Variants in IGF2BP3 observed in about 807,000 individuals in gnomAD.
The protein encoded by IGF2BP3 is insulin-like growth factor 2 mRNA-binding protein 3.
In IGF2BP3, 9 loss-of-function variants were observed where a neutral mutation model predicts 73.8. The ratio of observed to expected loss-of-function variants is 0.12; its 90% CI spans 0.07 to 0.21. The LOEUF (loss-of-function observed/expected upper bound fraction) is 0.21, where lower values mean the gene tolerates loss of function less well. Among genes scored for constraint, IGF2BP3 ranks in the 10% least tolerant of loss-of-function variants. The pLI, the probability that IGF2BP3 is intolerant of heterozygous loss-of-function variation, is 1.00. For synonymous variants in IGF2BP3, 258 were observed against 256.7 expected, an observed-to-expected ratio of 1.01 and a Z score of -0.05; for missense variants, 542 against 714.0, an observed-to-expected ratio of 0.76 and a Z score of 2.75.
chr7:23,437,643 C>T (rs1418799537), intron 2 of IGF2BP3, among the ~76,000 whole-genome samples: 2 of 152,156 alleles, frequency 1.3e-5, no homozygotes, highest in Non-Finnish European at 2.9e-5. Flanking sequence ...AAAGTTACAT[C>T]TTCTAGCCAG....
chr7:23,370,709 G>C (rs1009319378), intron 3 of IGF2BP3, among the ~76,000 whole-genome samples: 3 of 150,108 alleles, frequency 2.0e-5, no homozygotes, highest in African/African-American at 7.4e-5. Context: ...ACAGAGTCTT[G>C]CTCTGTCACC....
intron 10 of IGF2BP3, among the ~76,000 whole-genome samples, chr7:23,326,312 A>G (rs1784293845): frequency 6.6e-6 from 1 of 152,244 alleles, no homozygotes; most frequent in South Asian, 2.1e-4. Flanking sequence ...ACACACATGA[A>G]AAAATGCTCA....
At chr7:23,344,838 C>T (rs181604758) in intron 8 of IGF2BP3, among the ~76,000 whole-genome samples, 12 of 152,306 alleles carry the variant, frequency 7.9e-5, no homozygotes, top group Admixed American at 3.3e-4. Flanking sequence ...GACTATTTCT[C>T]TTAGACTACT....
chr7:23,407,940 GGGGGGCAGGGGGCGGGGGGC>G (rs1786890366), intron 3 of IGF2BP3, among the ~76,000 whole-genome samples: 1 of 109,928 alleles, frequency 9.1e-6, no homozygotes, highest in Non-Finnish European at 1.8e-5. Context: ...CAACATTTGT[GGGGGGCAGGGGGCGGGGGGC>G]GGGGGGGGGG....
chr7:23,458,084 T>C (rs901465483), intron 2 of IGF2BP3, among the ~76,000 whole-genome samples: 5 of 152,210 alleles, frequency 3.3e-5, no homozygotes, highest in Admixed American at 6.5e-5. Context: ...ACGGCTTCCA[T>C]TGGAATGACT....
chr7:23,423,627 T>C lies in IGF2BP3; in HGVS notation c.237-4803A>G, dbSNP rs116884754. On this transcript the variant is annotated intron_variant, in intron 2 of 14. Coordinates refer to ENST00000258729, the MANE Select transcript of IGF2BP3 (RefSeq NM_006547.3). ...ACAGTGCTTGGCATCTGATAAGCATTCAATTGATAGTTAAAATGTTACACT... is the reference window on the plus strand; with the variant it reads ...ACAGTGCTTGGCATCTGATAAGCATCCAATTGATAGTTAAAATGTTACACT... Among the ~76,000 whole-genome samples, 974 of 152,268 alleles carry C rather than the reference T, an allele frequency of 6.4e-3. 6 individuals are homozygous for C. Among genetic ancestry groups the C allele is most frequent in the Non-Finnish European group, 9.9e-3 (671 of 68,018 alleles).
At chr7:23,444,342 T>C (rs1267101015) in intron 2 of IGF2BP3, among the ~76,000 whole-genome samples, 1 of 152,188 alleles carries the variant, frequency 6.6e-6, no homozygotes, top group Non-Finnish European at 1.5e-5. Flanking sequence ...GACCTACATA[T>C]GGGTGAATAT....
At chr7:23,451,990 TCC>T in intron 2 of IGF2BP3, among the ~76,000 whole-genome samples, 1 of 149,144 alleles carries the variant, frequency 6.7e-6, no homozygotes, top group Non-Finnish European at 1.5e-5. Flanking sequence ...TTTTCTTTTT[TCC>T]TTTTTTTTTT....
intron 3 of IGF2BP3, among the ~76,000 whole-genome samples, chr7:23,372,298 C>T (rs1407670689): frequency 1.3e-5 from 2 of 152,140 alleles, no homozygotes; most frequent in African/African-American, 2.4e-5. Flanking sequence ...TGGCCTCAAA[C>T]TCCTGACCTC....
chr7:23,377,541 G>A (rs919454805), intron 3 of IGF2BP3, among the ~76,000 whole-genome samples: 7 of 152,186 alleles, frequency 4.6e-5, no homozygotes, highest in African/African-American at 1.7e-4. Flanking sequence ...AATGTAAAAT[G>A]GTACAGCCTC....
Position 23,460,191 on chromosome 7 carries a change from A to C in IGF2BP3, c.236+8291T>G, listed in dbSNP as rs542237394. 7.6e-3 allele frequency among the ~76,000 whole-genome samples: 1,139 copies of C among 150,032 alleles called. 51 individuals carry two copies. The highest frequency in any genetic ancestry group is 0.059 in the Admixed American group (878 of 14,922). On this transcript the variant is annotated intron_variant, in intron 2 of 14. Transcript: ENST00000258729. The stretch of plus-strand genomic sequence containing the variant: ...GAGACCCTGCCTCAAAAAAAAAAAA[A>C]AAAAACAAAAACGAAAGTGAGCTCA...
chr7:23,425,215 A>G (rs970545240), intron 2 of IGF2BP3, among the ~76,000 whole-genome samples: 1 of 152,224 alleles, frequency 6.6e-6, no homozygotes, highest in Admixed American at 6.5e-5. Flanking sequence ...GCTGATATAT[A>G]ATCTTAGGTC....
chr7:23,327,245 TA>T (rs1169969764), intron 10 of IGF2BP3, among the ~76,000 whole-genome samples: 3 of 151,650 alleles, frequency 2.0e-5, no homozygotes, highest in Non-Finnish European at 2.9e-5. Flanking sequence ...GTAGTATGTA[TA>T]CACACAGCCA....
intron 2 of IGF2BP3, among the ~76,000 whole-genome samples, chr7:23,453,693 T>A (rs1788251763): frequency 6.6e-6 from 1 of 152,228 alleles, no homozygotes; most frequent in South Asian, 2.1e-4. Context: ...TTTGCCAATT[T>A]ACTCTTTAGC....
intron 5 of IGF2BP3, among the ~76,000 whole-genome samples, chr7:23,353,436 C>A (rs191629656): frequency 6.6e-6 from 1 of 152,130 alleles, no homozygotes; most frequent in South Asian, 2.1e-4. Flanking sequence ...ACTGTCCTAC[C>A]TTCTCTGGCA....
intron 12 of IGF2BP3, among the ~76,000 whole-genome samples, chr7:23,314,997 T>C (rs1783944278): frequency 6.6e-6 from 1 of 152,150 alleles, no homozygotes; most frequent in African/African-American, 2.4e-5. Flanking sequence ...GAGACGGGGA[T>C]TCACCATGTT....
intron 3 of IGF2BP3, among the ~76,000 whole-genome samples, chr7:23,385,355 A>T (rs553915454): frequency 6.6e-6 from 1 of 152,316 alleles, no homozygotes; most frequent in East Asian, 1.9e-4. Context: ...TGTGGTTCTC[A>T]ATCTTGGCAG....
At chr7:23,378,572 T>TG in intron 3 of IGF2BP3, among the ~76,000 whole-genome samples, 1 of 126,712 alleles carries the variant, frequency 7.9e-6, no homozygotes, top group Non-Finnish European at 1.6e-5. Context: ...TTTGCTTGTT[T>TG]TTTTTTTTTT....
intron 10 of IGF2BP3, among the ~76,000 whole-genome samples, chr7:23,330,430 G>A (rs1329255821): frequency 6.6e-6 from 1 of 151,614 alleles, no homozygotes; most frequent in Non-Finnish European, 1.5e-5. Flanking sequence ...CACTCGAGGG[G>A]CTGCCTTCCC....
Sources: gnomAD v4.1 joint callset for allele counts (sites outside exome capture counted in the v4.1 genomes callset) on GRCh38, gnomAD v4.1.1 for gene constraint, MANE v1.5 for transcripts, NCBI Gene and HGNC (gene_info 2026-07-23, HGNC 2026-07-21) for gene names.